Variants in PDE4D observed in about 807,000 individuals in gnomAD.
The protein encoded by PDE4D is 3',5'-cyclic-AMP phosphodiesterase 4D.
PDE4D carries 24 observed loss-of-function variants against 87.4 expected under a neutral mutation model. The ratio of observed to expected loss-of-function variants is 0.27; its 90% CI spans 0.20 to 0.39. The LOEUF (loss-of-function observed/expected upper bound fraction) is 0.39. Ranked by LOEUF, PDE4D falls within the 10% of genes least tolerant of loss-of-function variation. The pLI, the probability that PDE4D is intolerant of heterozygous loss-of-function variation, is 1.00. For missense variants in PDE4D, 714 were observed against 1,041.0 expected, an observed-to-expected ratio of 0.69 and a Z score of 4.32; for synonymous variants, 384 against 383.2, an observed-to-expected ratio of 1.00 and a Z score of -0.02.
chr5:59,870,650 G>T (rs1747689404), intron 1 of PDE4D, among the ~76,000 whole-genome samples: 1 of 152,188 alleles, frequency 6.6e-6, no homozygotes, highest in Non-Finnish European at 1.5e-5. Context: ...CAGGCTGGTG[G>T]CATCAAACAT....
intron 2 of PDE4D, among the ~76,000 whole-genome samples, chr5:60,080,805 A>G (rs1239052642): frequency 2.0e-5 from 3 of 152,196 alleles, no homozygotes; most frequent in East Asian, 3.8e-4. Flanking sequence ...GGATTTTCGC[A>G]TGGATGTTCA....
chr5:59,771,491 G>GAAGAAAGAAAGAAAGAAAGAAAGAAAGAA (rs1157332011), intron 1 of PDE4D, among the ~76,000 whole-genome samples: 2 of 38,806 alleles, frequency 5.2e-5, no homozygotes, highest in African/African-American at 1.5e-4. Flanking sequence ...GAAAGAGAGA[G>GAAGAAAGAAAGAAAGAAAGAAAGAAAGAA]AGAGAGAGAA....
intron 1 of PDE4D, chr5:59,314,379 G>C (rs970946353): frequency 6.6e-6 from 1 of 152,082 alleles, no homozygotes; most frequent in African/African-American, 2.4e-5. Flanking sequence ...TATAATGGTA[G>C]GGCTAGGGGC....
At chr5:60,045,338 T>C (rs1769086057) in intron 2 of PDE4D, among the ~76,000 whole-genome samples, 1 of 152,168 alleles carries the variant, frequency 6.6e-6, no homozygotes, top group Non-Finnish European at 1.5e-5. Context: ...TGGTAGTTTC[T>C]TTTGCTGTGC....
At chr5:59,080,661 C>T (rs1039578403) in intron 5 of PDE4D, among the ~76,000 whole-genome samples, 5 of 152,156 alleles carry the variant, frequency 3.3e-5, no homozygotes, top group African/African-American at 1.2e-4. Flanking sequence ...ACTTCTATCA[C>T]GTCAAAGACA....
intron 1 of PDE4D, among the ~76,000 whole-genome samples, chr5:59,567,521 T>C (rs187248707): frequency 3.0e-4 from 45 of 152,332 alleles, no homozygotes; most frequent in African/African-American, 9.6e-4. Context: ...ATGTCCCAAG[T>C]TAACTGCAAA....
intron 1 of PDE4D, among the ~76,000 whole-genome samples, chr5:59,393,450 T>A (rs898567129): frequency 6.6e-6 from 1 of 152,188 alleles, no homozygotes; most frequent in Non-Finnish European, 1.5e-5. Context: ...CTTCTCCCCC[T>A]CAAAATTACA....
intron 1 of PDE4D, among the ~76,000 whole-genome samples, chr5:59,798,929 G>T (rs11747378): frequency 0.14 from 20,573 of 152,128 alleles, 1,845 homozygotes; most frequent in Middle Eastern, 0.27. Flanking sequence ...CAGAGATGTG[G>T]GGCCTGGTGT....
At chr5:60,518,303 C>G (rs1477685577) in intron 1 of PDE4D, among the ~76,000 whole-genome samples, 1 of 152,210 alleles carries the variant, frequency 6.6e-6, no homozygotes, top group Non-Finnish European at 1.5e-5. Context: ...AGAACCAGCC[C>G]AGTGGGCCCG....
chr5:59,489,765 G>C (rs1805849917), intron 1 of PDE4D, among the ~76,000 whole-genome samples: 1 of 152,110 alleles, frequency 6.6e-6, no homozygotes, highest in Admixed American at 6.5e-5. Context: ...TGAAAGAACT[G>C]TTGTGTGGGT....
intron 2 of PDE4D, among the ~76,000 whole-genome samples, chr5:60,114,843 T>C (rs1235355502): frequency 1.3e-5 from 2 of 152,084 alleles, no homozygotes; most frequent in Non-Finnish European, 2.9e-5. Context: ...TATGTATATG[T>C]GTGTATAAAT....
chr5:59,429,918 GA>G (rs1795869491), intron 1 of PDE4D, among the ~76,000 whole-genome samples: 1 of 152,092 alleles, frequency 6.6e-6, no homozygotes, highest in African/African-American at 2.4e-5. Context: ...ATGCATTAAG[GA>G]ATGTCACATG....
chr5:60,372,233 A>G (rs1372044255), intron 1 of PDE4D, among the ~76,000 whole-genome samples: 3 of 152,016 alleles, frequency 2.0e-5, no homozygotes. Context: ...AATGAAGTTG[A>G]GCCACCCTGC....
At chr5:60,273,514 A>G (rs1456333693) in intron 1 of PDE4D, among the ~76,000 whole-genome samples, 1 of 152,210 alleles carries the variant, frequency 6.6e-6, no homozygotes, top group Non-Finnish European at 1.5e-5. Flanking sequence ...AAGAATAAAC[A>G]TTCTCACTGC....
At chr5:59,069,855 G>T (rs1451722678) in intron 5 of PDE4D, among the ~76,000 whole-genome samples, 1 of 151,894 alleles carries the variant, frequency 6.6e-6, no homozygotes, top group Non-Finnish European at 1.5e-5. Context: ...TAGATTATTT[G>T]GAAAAAATGC....
chr5:60,178,975 T>A (rs528422904), intron 2 of PDE4D, among the ~76,000 whole-genome samples: 2 of 152,108 alleles, frequency 1.3e-5, no homozygotes, highest in Admixed American at 1.3e-4. Context: ...TCGTAGATTG[T>A]ATTAAATTCA....
chr5:59,123,712 C>T (rs765729202), intron 5 of PDE4D, among the ~76,000 whole-genome samples: 1 of 152,084 alleles, frequency 6.6e-6, no homozygotes, highest in Non-Finnish European at 1.5e-5. Flanking sequence ...AAAAGTATGC[C>T]ATTGTAAATC....
chr5:59,438,584 A>T lies in PDE4D; in HGVS notation c.456-222616T>A, dbSNP rs1797124936. 2.6e-5 allele frequency among the ~76,000 whole-genome samples: 4 copies of T among 152,332 alleles called. No homozygotes were observed. In the South Asian group the frequency reaches 8.3e-4, roughly 32 times the overall value. On this transcript the variant is annotated intron_variant, in intron 1 of 14. Transcript: ENST00000340635. ...ATACAGCTATTGCCCTGGAATGATG[A>T]TTAAATAGTGCCTCCTTTTACTTTT...
chr5:60,168,003 G>A (rs1783084500), intron 2 of PDE4D, among the ~76,000 whole-genome samples: 1 of 152,120 alleles, frequency 6.6e-6, no homozygotes, highest in Non-Finnish European at 1.5e-5. Context: ...AGAGATTCTG[G>A]GCAGACCTAC....
Sources: allele counts gnomAD v4.1 joint callset (sites outside exome capture counted in the v4.1 genomes callset), GRCh38; gene constraint gnomAD v4.1.1; transcripts MANE v1.5; gene names NCBI Gene and HGNC (gene_info 2026-07-23, HGNC 2026-07-21).